Variants in ADAMTS13 observed in about 807,000 individuals in gnomAD.
The protein encoded by ADAMTS13 is A disintegrin and metalloproteinase with thrombospondin motifs 13.
A neutral mutation model predicts 155.1 loss-of-function variants in ADAMTS13; 110 were observed. The observed-to-expected ratio is 0.71, with a 90% CI of 0.61 to 0.83. The LOEUF is 0.83. Ranked by LOEUF, ADAMTS13 falls within the 40% of genes least tolerant of loss-of-function variation. ADAMTS13 has a pLI of 0.00. For missense variants in ADAMTS13, 1,707 were observed against 1,891.7 expected (o/e 0.90, Z 1.81); for synonymous variants, 758 against 756.4 (o/e 1.00, Z -0.03).
intron 11 of ADAMTS13, among the ~76,000 whole-genome samples, chr9:133,435,687 G>T (rs1031769363): frequency 3.5e-5 from 5 of 142,072 alleles, no homozygotes; most frequent in Non-Finnish European, 8.0e-5. Context: ...CCGCCACCAC[G>T]CCCGGCTAAT....
chr9:133,420,351 G>T (rs1039284033), upstream of ADAMTS13, among the ~76,000 whole-genome samples: 2 of 152,174 alleles, frequency 1.3e-5, no homozygotes, highest in African/African-American at 4.8e-5. Flanking sequence ...CACCACACCT[G>T]GCCCAGGTTT....
At position 133,440,465 on chromosome 9, in the gene ADAMTS13, G is replaced by T. The variant is rs1841587187; in HGVS notation, c.1908G>T (p.Arg636=). Residue 636 remains arginine (R), a synonymous_variant, in exon 16 of 29, where the codon CGG becomes CGT. Coordinates refer to ENST00000355699, the MANE Select transcript of ADAMTS13 (RefSeq NM_139027.6). This position sits in a 1 kb window ranked among gnomAD's most constrained non-coding sequence, Gnocchi z 4.3. ...ACAGAGTGGCCCTCACCGAGGACCG[G>T]CTGCCCCGCCTGGAGGAGATCCGCA... ...VEYRVALTED[R]LPRLEEIRIW... is the part of the protein sequence containing the mutation. 11 of 1,613,380 alleles carry T rather than the reference G, an allele frequency of 6.8e-6. No individual in the cohort carries two copies. In the East Asian group the frequency reaches 2.5e-4, roughly 36 times the overall value.
At chr9:133,430,882 G>A (rs1840707853) in intron 8 of ADAMTS13, among the ~76,000 whole-genome samples, 2 of 151,952 alleles carry the variant, frequency 1.3e-5, no homozygotes, top group South Asian at 4.1e-4. Flanking sequence ...GGATGGTCTC[G>A]ATCTCCTGAC....
At chr9:133,436,797 G>GCCCTCCCC in intron 11 of ADAMTS13, 32 bp from the exon 12 acceptor site, 1 of 1,049,454 alleles carries the variant, frequency 9.5e-7, no homozygotes, top group South Asian at 1.7e-5. Context: ...CCGCCCCACC[G>GCCCTCCCC]CCATCCCCCT....
chr9:133,433,743 G>A (rs782764401), intron 11 of ADAMTS13, 39 bp downstream of exon 11: 2 of 1,607,446 alleles, frequency 1.2e-6, no homozygotes, highest in South Asian at 1.1e-5. Flanking sequence ...GCAGCTGGTG[G>A]CACCGGGCCC....
In ADAMTS13 at chr9:133,437,382, G is replaced by A. The variant is rs190724350; in HGVS notation, c.1436-367G>A. Among the ~76,000 whole-genome samples the A allele has an allele frequency of 1.3e-4, 20 of 152,134 alleles. No homozygotes were observed. The East Asian group carries it at 3.1e-3, about 23-fold the overall frequency. Reference sequence around the variant, plus strand: ...AGGGATTCTTGCCCCTCAGCCTCTCGAATAGCTGGGACTACAGGCTTGCAC... The same window carrying A: ...AGGGATTCTTGCCCCTCAGCCTCTCAAATAGCTGGGACTACAGGCTTGCAC... On this transcript the variant is annotated intron_variant, in intron 12 of 28. Transcript: ENST00000355699.
upstream of ADAMTS13, among the ~76,000 whole-genome samples, chr9:133,421,808 C>T (rs867878488): frequency 6.6e-6 from 1 of 152,082 alleles, no homozygotes; most frequent in Non-Finnish European, 1.5e-5. Context: ...AGGTGAATCC[C>T]CCTGCTGGTC....
rs1307534812 is a variant in ADAMTS13 at position 133,454,632 on chromosome 9, G to A, written c.3249+13G>A. 1 of 1,585,928 alleles carries A rather than the reference G, an allele frequency of 6.3e-7. No individual in the cohort carries two copies. Among genetic ancestry groups the A allele is most frequent in the African/African-American group, 1.3e-5 (1 of 74,548 alleles). On this transcript the variant is annotated intron_variant, in intron 24 of 28. Coordinates refer to ENST00000355699, the MANE Select transcript of ADAMTS13 (RefSeq NM_139027.6). ...CACCTGGATGGAGGTGAGCACAGCG[G>A]GCACTCGGAATCCCTATGGGGCTGG... is the stretch of plus-strand genomic sequence containing the variant.
chr9:133,439,349 T>C lies in ADAMTS13; in HGVS notation c.1706-17T>C, dbSNP rs1021382519. 2 of 1,594,620 alleles carry C rather than the reference T, an allele frequency of 1.3e-6. No individual in the cohort carries two copies. The highest frequency in any genetic ancestry group is 2.7e-5 in the African/African-American group (2 of 74,648). ...GCTGTGAGGTCCACGCATCTCTCCTTCTTTTCTTCTTTCTAGAATATGTCA... is the reference window on the plus strand; with the variant it reads ...GCTGTGAGGTCCACGCATCTCTCCTCCTTTTCTTCTTTCTAGAATATGTCA... On this transcript the variant is annotated splice_polypyrimidine_tract_variant and intron_variant, in intron 14 of 28. Coordinates refer to ENST00000355699, the MANE Select transcript of ADAMTS13 (RefSeq NM_139027.6).
chr9:133,429,987 G>C lies in ADAMTS13; in HGVS notation c.873G>C (p.Gly291=). The C allele has an allele frequency of 4.5e-6, 7 of 1,555,182 alleles. No homozygotes were observed. The highest frequency in any genetic ancestry group is 1.2e-5 in the South Asian group (1 of 86,404). The change falls in exon 8 of 29, where the codon GGG becomes GGC. Residue 291 remains glycine (G), a synonymous_variant. Coordinates refer to ENST00000355699, the MANE Select transcript of ADAMTS13 (RefSeq NM_139027.6). ...GGGACCCGCCGCGGCCTCAACCCGGGTCCGCGGGGCACCCGCCGGATGCGC... is the reference window on the plus strand; with the variant it reads ...GGGACCCGCCGCGGCCTCAACCCGGCTCCGCGGGGCACCCGCCGGATGCGC... The part of the protein sequence containing the change: ...CVWDPPRPQP[G]SAGHPPDAQP...
intron 15 of ADAMTS13, 37 bp downstream of exon 15, chr9:133,439,483 A>G: frequency 1.3e-6 from 2 of 1,554,122 alleles, no homozygotes; most frequent in Non-Finnish European, 1.8e-6. Flanking sequence ...AGTTAGCTAG[A>G]CTGCAAAGGT....
chr9:133,443,403 C>T lies in ADAMTS13; in HGVS notation c.2262C>T (p.Cys754=). The T allele has an allele frequency of 6.3e-7, 1 of 1,598,696 alleles. No individual in the cohort carries two copies. Among genetic ancestry groups the T allele is most frequent in the Non-Finnish European group, 8.5e-7 (1 of 1,177,702 alleles). Residue 754 remains cysteine, a synonymous_variant, in exon 19 of 29, where the codon TGC becomes TGT. Transcript: ENST00000355699. ...PYWAVGDFGP[C]SASCGGGLRE... The stretch of plus-strand genomic sequence containing the variant: ...GGGCGGTGGGAGACTTCGGCCCATG[C>T]AGCGCCTCCTGTGGGGGTGGCCTGC...
upstream of ADAMTS13, chr9:133,422,314 C>G (rs1840004635): frequency 2.2e-6 from 2 of 918,558 alleles, no homozygotes; most frequent in Non-Finnish European, 3.4e-6. Flanking sequence ...CAGGAAGCTT[C>G]CAAGAGTAAA....
rs892607647 is a variant in ADAMTS13 at position 133,424,695 on chromosome 9, C to T, written c.330+217C>T. 6.6e-6 allele frequency among the ~76,000 whole-genome samples: 1 copy of T among 152,168 alleles called. No individual in the cohort carries two copies. The highest frequency in any genetic ancestry group is 1.5e-5 in the Non-Finnish European group (1 of 68,030). On this transcript the variant is annotated intron_variant, in intron 3 of 28. Transcript: ENST00000355699. This position sits in a 1 kb window ranked among gnomAD's most constrained non-coding sequence, Gnocchi z 4.3. Reference sequence around the variant, plus strand: ...CACATGCACACCCTGCAGCCTCTCACTACTCAAGTCCCTTCACCTGGGGCC... The same window carrying T: ...CACATGCACACCCTGCAGCCTCTCATTACTCAAGTCCCTTCACCTGGGGCC...
Position 133,445,298 on chromosome 9 carries a change from G to A in ADAMTS13, c.2610+246G>A, listed in dbSNP as rs368540672. On this transcript the variant is annotated intron_variant, in intron 20 of 28. Coordinates refer to ENST00000355699, the MANE Select transcript of ADAMTS13 (RefSeq NM_139027.6). The surrounding 1 kb of genome is among the most constrained non-coding windows in gnomAD (Gnocchi z 5.0). ...AAGCATCTGAGGAGAGTGTAATGCA[G>A]CTGCTGTGCAGAGAAATGCTGCCAG... Among the ~76,000 whole-genome samples, 73 of 152,340 alleles carry A rather than the reference G, an allele frequency of 4.8e-4. 1 individual carries two copies. The East Asian group carries it at 0.014, about 28-fold the overall frequency.
At chr9:133,415,156 T>G in intron 1 of ADAMTS13, 1 of 688,094 alleles carries the variant, frequency 1.5e-6, no homozygotes. Context: ...AAATTCATTT[T>G]CAAACGGTTT....
At chr9:133,426,127 C>T in intron 5 of ADAMTS13, 65 bp downstream of exon 5, 1 of 1,613,922 alleles carries the variant, frequency 6.2e-7, no homozygotes, top group East Asian at 2.2e-5. Flanking sequence ...CAGCCTCCTG[C>T]CCTCTGCAAA....
At position 133,456,350 on chromosome 9, in the gene ADAMTS13, G is replaced by C. The variant is rs150980779; in HGVS notation, c.3547+135G>C. 1 of 1,460,860 alleles carries C rather than the reference G, an allele frequency of 6.8e-7. No homozygotes were observed. The highest frequency in any genetic ancestry group is 9.4e-7 in the Non-Finnish European group (1 of 1,068,354). The allele number at this position is 1,460,860 out of a possible 1,614,324, so 90.5% of individuals were successfully genotyped here. On this transcript the variant is annotated intron_variant, in intron 26 of 28. Transcript: ENST00000355699. The surrounding 1 kb of genome is among the most constrained non-coding windows in gnomAD (Gnocchi z 4.4). ...AGTTTGCATCCCATCTCATGACTGG[G>C]GAGTGATGATCTGCATTTTACAGAT... is the stretch of plus-strand genomic sequence containing the variant.
chr9:133,439,570 G>C, intron 15 of ADAMTS13, 124 bp downstream of exon 15: 1 of 840,330 alleles, frequency 1.2e-6, no homozygotes, highest in Non-Finnish European at 2.0e-6. Flanking sequence ...CCACCCTCAG[G>C]CTTGATAGTT....
Sources: gnomAD v4.1 joint callset for allele counts (sites outside exome capture counted in the v4.1 genomes callset) on GRCh38, gnomAD v4.1.1 for gene constraint, Gnocchi (gnomAD v3.1) non-coding constraint, MANE v1.5 for transcripts, NCBI Gene and HGNC (gene_info 2026-07-23, HGNC 2026-07-21) for gene names.